The following UNC5D variants were observed in gnomAD, a reference collection of about 807,000 sequenced individuals.
UNC5D encodes netrin receptor UNC5D.
UNC5D carries 39 observed loss-of-function variants against 105.4 expected under a neutral mutation model. The ratio of observed to expected loss-of-function variants is 0.37; its 90% CI spans 0.29 to 0.48. The LOEUF (loss-of-function observed/expected upper bound fraction) is 0.48. Among genes scored for constraint, UNC5D ranks in the 20% least tolerant of loss-of-function variants. The pLI is 0.98. For missense variants in UNC5D, 991 were observed against 1,202.4 expected, an observed-to-expected ratio of 0.82 and a Z score of 2.60; for synonymous variants, 452 against 450.4, an observed-to-expected ratio of 1.00 and a Z score of -0.04.
At chr8:35,507,255 C>T (rs1449503824) in intron 1 of UNC5D, among the ~76,000 whole-genome samples, 2 of 151,656 alleles carry the variant, frequency 1.3e-5, no homozygotes, top group Non-Finnish European at 2.9e-5. Context: ...CGGGGTTTCA[C>T]CGTTTTAGCC....
chr8:35,302,644 A>G (rs1034384045), intron 1 of UNC5D, among the ~76,000 whole-genome samples: 2 of 152,178 alleles, frequency 1.3e-5, no homozygotes, highest in Non-Finnish European at 2.9e-5. Flanking sequence ...AAATCTTTTA[A>G]TTTTTTGGAG....
intron 16 of UNC5D, among the ~76,000 whole-genome samples, chr8:35,788,193 GT>G (rs1802837438): frequency 6.6e-6 from 1 of 152,102 alleles, no homozygotes; most frequent in African/African-American, 2.4e-5. Flanking sequence ...CTGTGTGTGT[GT>G]GTGTGTGTGT....
intron 16 of UNC5D, among the ~76,000 whole-genome samples, chr8:35,779,406 T>C (rs1039222279): frequency 2.6e-5 from 4 of 152,204 alleles, no homozygotes; most frequent in Non-Finnish European, 5.9e-5. Context: ...GGTTATTCAA[T>C]AAATATTTCT....
At chr8:35,663,206 G>A (rs973459764) in intron 4 of UNC5D, among the ~76,000 whole-genome samples, 3 of 152,200 alleles carry the variant, frequency 2.0e-5, no homozygotes, top group African/African-American at 7.2e-5. Flanking sequence ...AGGAGCTACT[G>A]ATGCACACCA....
intron 2 of UNC5D, among the ~76,000 whole-genome samples, chr8:35,561,923 A>G (rs1475150707): frequency 6.6e-6 from 1 of 152,188 alleles, no homozygotes; most frequent in Non-Finnish European, 1.5e-5. Flanking sequence ...GAAATATGCA[A>G]TAGATTATCG....
chr8:35,353,122 C>T (rs1390791835), intron 1 of UNC5D, among the ~76,000 whole-genome samples: 1 of 152,020 alleles, frequency 6.6e-6, no homozygotes, highest in Non-Finnish European at 1.5e-5. Context: ...TTCAAAAGAC[C>T]AACGGAACTT....
chr8:35,748,911 G>A (rs765805082), intron 12 of UNC5D, among the ~76,000 whole-genome samples: 2 of 152,022 alleles, frequency 1.3e-5, no homozygotes, highest in Admixed American at 1.3e-4. Context: ...AGATTTGTTT[G>A]GTTTTAGAAT....
intron 4 of UNC5D, among the ~76,000 whole-genome samples, chr8:35,616,606 G>A (rs1821041279): frequency 6.6e-6 from 1 of 152,214 alleles, no homozygotes; most frequent in Admixed American, 6.5e-5. Flanking sequence ...AGCAGGCCTT[G>A]ATGGGATGGG....
chr8:35,510,824 G>A (rs558246024), intron 1 of UNC5D, among the ~76,000 whole-genome samples: 14 of 152,266 alleles, frequency 9.2e-5, no homozygotes, highest in Middle Eastern at 3.4e-3. Flanking sequence ...GAAAATGGAT[G>A]TTTTCAGAGA....
intron 1 of UNC5D, among the ~76,000 whole-genome samples, chr8:35,478,513 T>G (rs1158284589): frequency 6.6e-6 from 1 of 152,190 alleles, no homozygotes. Flanking sequence ...GACTCTTACT[T>G]CAAAATGCTG....
chr8:35,417,347 T>C (rs1435404994), intron 1 of UNC5D, among the ~76,000 whole-genome samples: 1 of 152,156 alleles, frequency 6.6e-6, no homozygotes, highest in African/African-American at 2.4e-5. Flanking sequence ...AATGATGAGT[T>C]TACCTCAAGA....
At chr8:35,698,658 T>A (rs1826964602) in intron 7 of UNC5D, among the ~76,000 whole-genome samples, 1 of 152,188 alleles carries the variant, frequency 6.6e-6, no homozygotes. Context: ...TCCATTCATT[T>A]GTCAACAGGC....
intron 1 of UNC5D, among the ~76,000 whole-genome samples, chr8:35,394,401 T>C (rs1361873547): frequency 6.6e-6 from 1 of 152,196 alleles, no homozygotes; most frequent in Admixed American, 6.5e-5. Context: ...AATGATTTAC[T>C]CTTCTGTGTG....
chr8:35,403,550 T>C (rs1804609988), intron 1 of UNC5D, among the ~76,000 whole-genome samples: 1 of 152,236 alleles, frequency 6.6e-6, no homozygotes, highest in Admixed American at 6.5e-5. Flanking sequence ...TTCTTTGCAC[T>C]TTGGAATTTT....
intron 1 of UNC5D, among the ~76,000 whole-genome samples, chr8:35,341,744 A>G (rs927190972): frequency 6.6e-6 from 1 of 152,114 alleles, no homozygotes; most frequent in African/African-American, 2.4e-5. Flanking sequence ...TTTTATGCCA[A>G]TGGAATTAAT....
intron 3 of UNC5D, among the ~76,000 whole-genome samples, chr8:35,575,585 T>C (rs1818036352): frequency 6.6e-6 from 1 of 152,088 alleles, no homozygotes; most frequent in Non-Finnish European, 1.5e-5. Flanking sequence ...CCATAATACC[T>C]CCACTGCTCC....
chr8:35,445,562 G>T (rs1005646675), intron 1 of UNC5D, among the ~76,000 whole-genome samples: 29 of 151,990 alleles, frequency 1.9e-4, no homozygotes, highest in African/African-American at 7.0e-4. Flanking sequence ...AGAAACTAAA[G>T]CTCAGAGGTT....
intron 1 of UNC5D, among the ~76,000 whole-genome samples, chr8:35,371,966 C>T (rs921286585): frequency 5.3e-5 from 8 of 152,232 alleles, no homozygotes; most frequent in African/African-American, 1.7e-4. Context: ...GGAATCATCA[C>T]GACATGGCGG....
chr8:35,716,236 A>G (rs1330637080), intron 8 of UNC5D, among the ~76,000 whole-genome samples: 1 of 152,238 alleles, frequency 6.6e-6, no homozygotes, highest in Non-Finnish European at 1.5e-5. Context: ...ACAATGCGTC[A>G]TCATCAGTAA....
Sources: allele counts gnomAD v4.1 joint callset (sites outside exome capture counted in the v4.1 genomes callset), GRCh38; gene constraint gnomAD v4.1.1; transcripts MANE v1.5; gene names NCBI Gene and HGNC (gene_info 2026-07-23, HGNC 2026-07-21).